VMP1: variants seen among roughly 807,000 people sequenced by gnomAD.
VMP1 encodes vacuole membrane protein 1, also known as ectopic P-granules autophagy protein 3 homolog.
Under a neutral mutation model 56.0 loss-of-function variants are expected in VMP1, and 11 were observed. That is an observed-to-expected ratio of 0.20 (90% confidence interval 0.12 to 0.32). The LOEUF (loss-of-function observed/expected upper bound fraction) is 0.32. Ranked by LOEUF, VMP1 falls within the 10% of genes least tolerant of loss-of-function variation. The probability of loss-of-function intolerance (pLI) is 1.00; values close to 1 mark genes in which losing one functional copy is unlikely to be tolerated. For missense variants in VMP1, 296 were observed against 490.3 expected, an observed-to-expected ratio of 0.60 and a Z score of 3.74; for synonymous variants, 149 against 165.0, an observed-to-expected ratio of 0.90 and a Z score of 0.74.
chr17:59,804,232 A>G (rs35726943), intron 7 of VMP1, among the ~76,000 whole-genome samples: 2 of 152,190 alleles, frequency 1.3e-5, no homozygotes, highest in Non-Finnish European at 2.9e-5. Context: ...AACATTTTGA[A>G]CAATAAAAGA....
Position 59,839,862 on chromosome 17 carries a change from A to T in VMP1, c.1172A>T (p.Tyr391Phe). The T allele has an allele frequency of 1.9e-6, 3 of 1,613,018 alleles. No homozygotes were observed. Among genetic ancestry groups the T allele is most frequent in the Non-Finnish European group, 2.5e-6 (3 of 1,179,840 alleles). Residue 391 changes from tyrosine to phenylalanine, a missense_variant, in exon 12 of 12, where the codon TAT becomes TTT. Tyr to Phe is a conservative substitution (Grantham distance 22). Transcript: ENST00000262291. ...LSIINSMAQSYAKRIQQRLNS... is the reference protein window; with the variant it reads ...LSIINSMAQSFAKRIQQRLNS... ...ATCATTAACTCCATGGCACAAAGTT[A>T]TGCCAAACGAATCCAGCAGCGGTTG...
chr17:59,778,194 G>A (rs2036692505), intron 7 of VMP1, among the ~76,000 whole-genome samples: 1 of 152,104 alleles, frequency 6.6e-6, no homozygotes, highest in Admixed American at 6.6e-5. Flanking sequence ...TCAATTTGGA[G>A]TTCGAGGCTT....
intron 7 of VMP1, among the ~76,000 whole-genome samples, chr17:59,782,272 T>A (rs924813088): frequency 1.3e-5 from 2 of 151,826 alleles, no homozygotes; most frequent in African/African-American, 4.9e-5. Context: ...GAAAATATTT[T>A]TACATATGAT....
intron 5 of VMP1, among the ~76,000 whole-genome samples, chr17:59,764,333 A>AT (rs576220166): frequency 1.7e-3 from 254 of 151,600 alleles, no homozygotes; most frequent in Middle Eastern, 3.4e-3. Context: ...AACACAAGGG[A>AT]TTTTTTTTTA....
intron 5 of VMP1, among the ~76,000 whole-genome samples, chr17:59,743,584 ATATATATATGCTATAT>A (rs1326329936): frequency 2.7e-5 from 4 of 149,180 alleles, no homozygotes; most frequent in South Asian, 2.1e-4. Context: ...CTCTCTCTAT[ATATATATATGCTATAT>A]TATATATATG....
chr17:59,757,238 GAGATAGATAGATAGATAGAT>G (rs72408206), intron 5 of VMP1, among the ~76,000 whole-genome samples: 89 of 146,902 alleles, frequency 6.1e-4, no homozygotes, highest in South Asian at 6.6e-4. Context: ...GATTAGGATG[GAGATAGATAGATAGATAGAT>G]AGATAGATAG....
At chr17:59,829,064 C>T (rs976628425) in intron 10 of VMP1, among the ~76,000 whole-genome samples, 7 of 151,986 alleles carry the variant, frequency 4.6e-5, no homozygotes, top group East Asian at 1.9e-4. Flanking sequence ...TGCAGTGAGC[C>T]GAGATTGCGC....
chr17:59,837,802 G>C (rs1183691227), intron 10 of VMP1: 4 of 152,328 alleles, frequency 2.6e-5, no homozygotes, highest in Non-Finnish European at 5.9e-5. Context: ...GGACAAGTCA[G>C]AGAGAGGGCG....
intron 1 of VMP1, among the ~76,000 whole-genome samples, chr17:59,720,270 T>A (rs542796169): frequency 6.6e-6 from 1 of 152,378 alleles, no homozygotes; most frequent in South Asian, 2.1e-4. Flanking sequence ...TCATTAAAAA[T>A]GATTATTTCA....
intron 5 of VMP1, among the ~76,000 whole-genome samples, chr17:59,759,903 G>GTTTTTGTT (rs2035980744): frequency 2.0e-5 from 2 of 97,982 alleles, no homozygotes; most frequent in African/African-American, 3.0e-5. Context: ...GTTTTTTGGT[G>GTTTTTGTT]TTTTTTTTTT....
intron 9 of VMP1, among the ~76,000 whole-genome samples, chr17:59,813,461 C>T (rs969398538): frequency 2.0e-5 from 3 of 151,842 alleles, no homozygotes; most frequent in Non-Finnish European, 4.4e-5. Context: ...CCTGTAATCC[C>T]AGCTACTCAG....
intron 1 of VMP1, among the ~76,000 whole-genome samples, chr17:59,726,362 C>T (rs1381574725): frequency 1.3e-5 from 2 of 150,716 alleles, no homozygotes; most frequent in East Asian, 1.9e-4. Context: ...GGTGCAATCT[C>T]GGCTCCCTGC....
At chr17:59,764,515 G>A (rs12450417) in intron 5 of VMP1, among the ~76,000 whole-genome samples, 284 of 152,240 alleles carry the variant, frequency 1.9e-3, no homozygotes, top group Admixed American at 4.3e-3. Context: ...GTAGAGATGA[G>A]GTCTTGCTTT....
At chr17:59,832,448 G>C (rs1298124) in intron 10 of VMP1, among the ~76,000 whole-genome samples, 1 of 151,756 alleles carries the variant, frequency 6.6e-6, no homozygotes, top group African/African-American at 2.4e-5. Flanking sequence ...TTCTCACCTA[G>C]AGCAAGTACC....
chr17:59,798,559 G>C (rs1197223582), intron 7 of VMP1, among the ~76,000 whole-genome samples: 1 of 152,178 alleles, frequency 6.6e-6, no homozygotes, highest in Non-Finnish European at 1.5e-5. Context: ...TCCATTGCTT[G>C]TGAGGTCTCA....
At chr17:59,824,224 C>T (rs1331245921) in intron 10 of VMP1, among the ~76,000 whole-genome samples, 2 of 150,208 alleles carry the variant, frequency 1.3e-5, no homozygotes, top group Non-Finnish European at 3.0e-5. Flanking sequence ...GCACTCCAGC[C>T]TGGGCGACAC....
intron 7 of VMP1, among the ~76,000 whole-genome samples, chr17:59,803,364 A>G (rs528006108): frequency 6.6e-6 from 1 of 152,278 alleles, no homozygotes; most frequent in East Asian, 1.9e-4. Flanking sequence ...TTAGTCTTGT[A>G]GTGCTTGGGA....
intron 1 of VMP1, among the ~76,000 whole-genome samples, chr17:59,719,713 T>C (rs184965935): frequency 3.0e-4 from 45 of 152,318 alleles, no homozygotes; most frequent in African/African-American, 1.1e-3. Flanking sequence ...ATTGTTTCTG[T>C]ATTACAAGTG....
At chr17:59,747,662 T>C (rs1290315203) in intron 5 of VMP1, among the ~76,000 whole-genome samples, 1 of 151,498 alleles carries the variant, frequency 6.6e-6, no homozygotes, top group Non-Finnish European at 1.5e-5. Context: ...CCACCCGCTT[T>C]GGCCTCCCAA....
Sources: gnomAD v4.1 joint callset for allele counts (sites outside exome capture counted in the v4.1 genomes callset) on GRCh38, gnomAD v4.1.1 for gene constraint, MANE v1.5 for transcripts, NCBI Gene and HGNC (gene_info 2026-07-23, HGNC 2026-07-21) for gene names.